IRS1: variants seen among roughly 807,000 people sequenced by gnomAD.
IRS1 encodes insulin receptor substrate 1.
A neutral mutation model predicts 65.6 loss-of-function variants in IRS1; 34 were observed. The observed-to-expected ratio is 0.52, with a 90% confidence interval of 0.39 to 0.69. IRS1 has a LOEUF of 0.69. IRS1 is among the 30% of genes least tolerant of loss of function. The pLI is 0.00. For synonymous variants in IRS1, 699 were observed against 683.5 expected (o/e 1.02, Z -0.35); for missense variants, 1,641 against 1,720.2 (o/e 0.95, Z 0.81).
chr2:226,798,697 GC>G lies in IRS1; in HGVS notation c.41del (p.Arg14ProfsTer136). 6.2e-7 allele frequency: 1 copy of G among 1,612,896 alleles called. No homozygotes were observed. The highest frequency in any genetic ancestry group is 8.5e-7 in the Non-Finnish European group (1 of 1,179,888). On this transcript the variant is annotated frameshift_variant, in exon 1 of 2. Coordinates refer to ENST00000305123, the MANE Select transcript of IRS1 (RefSeq NM_005544.3). LOFTEE classifies it high-confidence loss of function. This position sits in a 1 kb window ranked among gnomAD's most constrained non-coding sequence, Gnocchi z 9.4. ...TGGGTTTGCGCAGGTAGCCCACCTT[GC>G]GCACGTCCGAGAAGCCATCGCTCTC... ...PPESDGFSDV[R>X]KVGYLRKPKS...
At chr2:226,780,369 G>C (rs893509343) in intron 1 of IRS1, among the ~76,000 whole-genome samples, 1 of 152,078 alleles carries the variant, frequency 6.6e-6, no homozygotes, top group African/African-American at 2.4e-5. Context: ...TCCAGCCTGG[G>C]CAACAGCATG....
At chr2:226,757,167 A>G (rs1366883495) in intron 1 of IRS1, among the ~76,000 whole-genome samples, 1 of 152,190 alleles carries the variant, frequency 6.6e-6, no homozygotes, top group Non-Finnish European at 1.5e-5. Context: ...ACTGCAAGTC[A>G]TACAACATCT....
At chr2:226,753,991 T>C (rs558628678) in intron 1 of IRS1, among the ~76,000 whole-genome samples, 1 of 152,198 alleles carries the variant, frequency 6.6e-6, no homozygotes, top group East Asian at 1.9e-4. Context: ...TAGCTGGGAC[T>C]ACAAGCACAT....
intron 1 of IRS1, among the ~76,000 whole-genome samples, chr2:226,789,742 T>C (rs1235675676): frequency 2.6e-5 from 4 of 152,172 alleles, no homozygotes; most frequent in Non-Finnish European, 5.9e-5. Context: ...CCTTAGGATG[T>C]AGGAACTAGC....
intron 1 of IRS1, among the ~76,000 whole-genome samples, chr2:226,773,078 G>T (rs1939194400): frequency 6.6e-6 from 1 of 152,162 alleles, no homozygotes; most frequent in Non-Finnish European, 1.5e-5. Context: ...AACTTCTAAA[G>T]AGAATACCGT....
intron 1 of IRS1, among the ~76,000 whole-genome samples, chr2:226,780,754 C>G (rs944583365): frequency 6.6e-6 from 1 of 152,084 alleles, no homozygotes; most frequent in Non-Finnish European, 1.5e-5. Flanking sequence ...AGATTACAGT[C>G]TTGTAATTTT....
At position 226,796,837 on chromosome 2, in the gene IRS1, G is replaced by A. The variant is rs1301934371; in HGVS notation, c.1902C>T (p.Pro634=). The change falls in exon 1 of 2, where the codon CCC becomes CCT. Residue 634 remains proline (P), a synonymous_variant. Coordinates refer to ENST00000305123, the MANE Select transcript of IRS1 (RefSeq NM_005544.3). ...GGGCAGATACGCTCTTGGGGCTCAT[G>A]GGCATATAGTCTCCACTGCCCTTTC... ...SGRKGSGDYM[P]MSPKSVSAPQ... 3 of 1,552,258 alleles carry A rather than the reference G, an allele frequency of 1.9e-6. No individual in the cohort carries two copies. Among genetic ancestry groups the A allele is most frequent in the South Asian group, 1.2e-5 (1 of 80,442 alleles).
chr2:226,752,150 C>T (rs1259460639), intron 1 of IRS1, among the ~76,000 whole-genome samples: 1 of 152,184 alleles, frequency 6.6e-6, no homozygotes, highest in Non-Finnish European at 1.5e-5. Context: ...GTGCAGGTAG[C>T]TCATTCCCAG....
intron 1 of IRS1, among the ~76,000 whole-genome samples, chr2:226,774,717 ATAAAC>A (rs1428832261): frequency 5.3e-5 from 8 of 152,256 alleles, no homozygotes; most frequent in African/African-American, 1.9e-4. Flanking sequence ...GTCTAGGTAA[ATAAAC>A]TATGTTTCAT....
chr2:226,741,800 C>A, intron 1 of IRS1, among the ~76,000 whole-genome samples: 1 of 147,338 alleles, frequency 6.8e-6, no homozygotes, highest in East Asian at 2.1e-4. Flanking sequence ...CACACACACA[C>A]ACACACACAC....
At position 226,798,888 on chromosome 2, in the gene IRS1, C is replaced by A; in HGVS notation, c.-150G>T. On this transcript the variant is annotated 5_prime_UTR_variant, in exon 1 of 2. Transcript: ENST00000305123. The surrounding 1 kb of genome is among the most constrained non-coding windows in gnomAD (Gnocchi z 9.4). ...TCTGAAATCCACGCCGCCCCCCGCG[C>A]CGGGGAGGGGCAGCTGAAGGAGGAC... The A allele has an allele frequency of 6.6e-7, 1 of 1,515,804 alleles. No individual in the cohort carries two copies. The allele number at this position is 1,515,804 out of a possible 1,614,324, so 93.9% of individuals were successfully genotyped here. A position where few individuals can be genotyped will look rare whatever the true frequency, so the allele number is the denominator to read the frequency against.
At chr2:226,773,462 G>A (rs1939200679) in intron 1 of IRS1, among the ~76,000 whole-genome samples, 1 of 151,734 alleles carries the variant, frequency 6.6e-6, no homozygotes. Flanking sequence ...AAGCCTCACT[G>A]TAATCTGTAT....
In IRS1 at chr2:226,799,161, C is replaced by T. The variant is rs1652347004; in HGVS notation, c.-423G>A. ...AGGAGCGCGCGCGCGCGCGCGCCTT[C>T]CCTCCTGAGTTCCCCTCTGGAAGCA... On this transcript the variant is annotated 5_prime_UTR_variant, in exon 1 of 2. Transcript: ENST00000305123. The surrounding 1 kb of genome is among the most constrained non-coding windows in gnomAD (Gnocchi z 6.1). The T allele has an allele frequency of 9.0e-7, 1 of 1,105,362 alleles. No individual in the cohort carries two copies. Among genetic ancestry groups the T allele is most frequent in the Non-Finnish European group, 1.1e-6 (1 of 894,244 alleles). 68.5% of individuals were successfully genotyped at this position (1,105,362 alleles called of 1,614,324 possible). A position where few individuals can be genotyped will look rare whatever the true frequency, so the allele number is the denominator to read the frequency against.
intron 1 of IRS1, among the ~76,000 whole-genome samples, chr2:226,741,294 T>C (rs1938431146): frequency 6.6e-6 from 1 of 152,218 alleles, no homozygotes; most frequent in Non-Finnish European, 1.5e-5. Context: ...TTTTAAAGCA[T>C]CCTGGTATTC....
chr2:226,799,299 C>A lies in IRS1; in HGVS notation c.-561G>T. The A allele has an allele frequency of 8.3e-7, 1 of 1,203,988 alleles. No individual in the cohort carries two copies. The highest frequency in any genetic ancestry group is 3.2e-5 in the Admixed American group (1 of 31,096). 74.6% of individuals were successfully genotyped at this position (1,203,988 alleles called of 1,614,324 possible). A position where few individuals can be genotyped will look rare whatever the true frequency, so the allele number is the denominator to read the frequency against. ...CGCCTCCTCCCACCCCCCAACCGTC[C>A]CAGCCGCCACCAGCCGCCCAAATAC... On this transcript the variant is annotated 5_prime_UTR_variant, in exon 1 of 2. Coordinates refer to ENST00000305123, the MANE Select transcript of IRS1 (RefSeq NM_005544.3). The surrounding 1 kb of genome is among the most constrained non-coding windows in gnomAD (Gnocchi z 6.1).
At chr2:226,777,013 A>C (rs993128182) in intron 1 of IRS1, among the ~76,000 whole-genome samples, 3 of 152,200 alleles carry the variant, frequency 2.0e-5, no homozygotes, top group Non-Finnish European at 4.4e-5. Context: ...CATAAAAAAC[A>C]AGAAAAATCT....
At chr2:226,756,959 T>TAATA (rs71036150) in intron 1 of IRS1, among the ~76,000 whole-genome samples, 17,146 of 145,092 alleles carry the variant, frequency 0.12, 1,122 homozygotes, top group Middle Eastern at 0.19. Context: ...AGACTCCGTC[T>TAATA]AATAAATAAA....
At chr2:226,776,503 A>G (rs904222581) in intron 1 of IRS1, among the ~76,000 whole-genome samples, 2 of 152,202 alleles carry the variant, frequency 1.3e-5, no homozygotes, top group African/African-American at 2.4e-5. Context: ...ACACTCCTTC[A>G]GCCAAGTTAT....
At chr2:226,743,221 G>A (rs1231109135) in intron 1 of IRS1, among the ~76,000 whole-genome samples, 3 of 151,706 alleles carry the variant, frequency 2.0e-5, no homozygotes, top group Non-Finnish European at 4.4e-5. Context: ...GTACTCTCAG[G>A]CAGGAAGATT....
Sources: allele counts gnomAD v4.1 joint callset (sites outside exome capture counted in the v4.1 genomes callset), GRCh38; gene constraint gnomAD v4.1.1; non-coding constraint Gnocchi (gnomAD v3.1); transcripts MANE v1.5; gene names NCBI Gene and HGNC (gene_info 2026-07-23, HGNC 2026-07-21).